NBAS: variants seen among roughly 807,000 people sequenced by gnomAD.
The protein encoded by NBAS is NBAS subunit of NRZ tethering complex, also known as NAG/BC035112 fusion.
A neutral mutation model predicts 302.5 loss-of-function variants in NBAS; 219 were observed. That is an observed-to-expected ratio of 0.72 (90% CI 0.65 to 0.81). NBAS has a LOEUF of 0.81. Ranked by LOEUF, NBAS falls within the 30% of genes least tolerant of loss-of-function variation. The probability of loss-of-function intolerance (pLI) is 0.00; values close to 1 mark genes in which losing one functional copy is unlikely to be tolerated. For missense variants in NBAS, 2,932 were observed against 2,841.6 expected (o/e 1.03, Z -0.72); for synonymous variants, 1,118 against 1,021.6 (o/e 1.09, Z -1.80).
the NBAS span, among the ~76,000 whole-genome samples, chr2:15,110,053 G>C: frequency 1.3e-5 from 2 of 152,090 alleles, no homozygotes; most frequent in Non-Finnish European, 2.9e-5. Flanking sequence ...ATGGAGACAA[G>C]AGACTAGTAA....
intron 21 of NBAS, among the ~76,000 whole-genome samples, chr2:15,440,002 G>C (rs1678272314): frequency 6.6e-6 from 1 of 152,254 alleles, no homozygotes; most frequent in Admixed American, 6.5e-5. Flanking sequence ...AAAGCAGGCG[G>C]GAAGCTCGAA....
the NBAS span, among the ~76,000 whole-genome samples, chr2:15,142,306 T>C: frequency 6.6e-6 from 1 of 152,176 alleles, no homozygotes; most frequent in East Asian, 1.9e-4. Flanking sequence ...AAACAGCACA[T>C]GTGGCTTTGC....
chr2:15,111,497 G>T, the NBAS span, among the ~76,000 whole-genome samples: 2 of 152,116 alleles, frequency 1.3e-5, no homozygotes, highest in African/African-American at 4.8e-5. Flanking sequence ...TCACTCAAAA[G>T]TTCAGGGTAC....
At chr2:15,404,987 A>T (rs1275364821) in intron 25 of NBAS, among the ~76,000 whole-genome samples, 2 of 152,140 alleles carry the variant, frequency 1.3e-5, no homozygotes, top group Admixed American at 1.3e-4. Context: ...ACCCTTCTAC[A>T]TAAAGTTTTA....
chr2:15,306,942 G>A (rs1036748451), intron 40 of NBAS, among the ~76,000 whole-genome samples: 3 of 152,208 alleles, frequency 2.0e-5, no homozygotes, highest in African/African-American at 7.2e-5. Flanking sequence ...AATTCTGTAT[G>A]TAACTGCAAT....
At chr2:14,905,221 C>T in the NBAS span, among the ~76,000 whole-genome samples, 350 of 152,308 alleles carry the variant, frequency 2.3e-3, 4 homozygotes, top group African/African-American at 7.3e-3. Context: ...AATACTTTAC[C>T]AGCCATCTAG....
rs193017051 is a variant in NBAS, at chr2:15,370,473, T to A, written c.3704-3780A>T. On this transcript the variant is annotated intron_variant, in intron 31 of 51. Transcript: ENST00000281513. ...AAGCCTGGCTAATTTTTTAATTTTTTAAAAAATAGAGACGGGTTTTGCCAT... is the reference window on the plus strand; with the variant it reads ...AAGCCTGGCTAATTTTTTAATTTTTAAAAAAATAGAGACGGGTTTTGCCAT... Among the ~76,000 whole-genome samples, 878 of 152,206 alleles carry A rather than the reference T, an allele frequency of 5.8e-3. 6 individuals are homozygous for A. Among genetic ancestry groups the A allele is most frequent in the African/African-American group, 0.02 (842 of 41,522 alleles).
chr2:15,096,030 G>A, the NBAS span, among the ~76,000 whole-genome samples: 5 of 152,312 alleles, frequency 3.3e-5, no homozygotes, highest in East Asian at 3.9e-4. Flanking sequence ...TCATGTCTGG[G>A]CTTGAAGCAC....
the NBAS span, among the ~76,000 whole-genome samples, chr2:14,976,517 C>G: frequency 6.6e-6 from 1 of 152,150 alleles, no homozygotes; most frequent in South Asian, 2.1e-4. Context: ...ATGTTTATAC[C>G]CTGGGAGTAG....
chr2:15,541,212 T>C (rs560729604), intron 6 of NBAS, among the ~76,000 whole-genome samples: 3 of 152,220 alleles, frequency 2.0e-5, no homozygotes, highest in South Asian at 4.1e-4. Flanking sequence ...TGTTTACCTA[T>C]TTGCCCCACA....
At chr2:14,899,712 AGG>A in the NBAS span, among the ~76,000 whole-genome samples, 2 of 150,552 alleles carry the variant, frequency 1.3e-5, no homozygotes, top group African/African-American at 4.9e-5. Flanking sequence ...CCATTCTTTC[AGG>A]GTCCTTTAAA....
At chr2:15,418,698 G>A (rs1179911848) in intron 23 of NBAS, among the ~76,000 whole-genome samples, 1 of 152,162 alleles carries the variant, frequency 6.6e-6, no homozygotes, top group East Asian at 1.9e-4. Flanking sequence ...GTGAGGTGAG[G>A]AAGGAAGATT....
the NBAS span, among the ~76,000 whole-genome samples, chr2:15,098,580 A>ATTGTATATATG: frequency 5.7e-3 from 641 of 111,964 alleles, 32 homozygotes; most frequent in African/African-American, 0.014. Context: ...TATATAATGT[A>ATTGTATATATG]TTATATATTA....
the NBAS span, among the ~76,000 whole-genome samples, chr2:15,148,551 C>T: frequency 6.6e-6 from 1 of 152,104 alleles, no homozygotes; most frequent in African/African-American, 2.4e-5. Context: ...GGAATATGCT[C>T]AGGTGAAGGT....
chr2:15,480,538 G>T (rs1472620290), intron 12 of NBAS, among the ~76,000 whole-genome samples: 1 of 152,110 alleles, frequency 6.6e-6, no homozygotes, highest in East Asian at 1.9e-4. Context: ...AGGATTTTGG[G>T]CATGGGTTTA....
chr2:15,203,637 A>G (rs1042971499), intron 48 of NBAS, among the ~76,000 whole-genome samples: 1 of 152,192 alleles, frequency 6.6e-6, no homozygotes, highest in East Asian at 1.9e-4. Flanking sequence ...ATTCAGCACA[A>G]TTATAGACCA....
intron 35 of NBAS, among the ~76,000 whole-genome samples, chr2:15,332,826 AC>A (rs1672415162): frequency 2.0e-5 from 3 of 152,118 alleles, no homozygotes; most frequent in Non-Finnish European, 2.9e-5. Flanking sequence ...CTCCACTCAG[AC>A]CCCCTTACAG....
chr2:15,151,454 T>C, the NBAS span, among the ~76,000 whole-genome samples: 1 of 152,222 alleles, frequency 6.6e-6, no homozygotes, highest in Non-Finnish European at 1.5e-5. Context: ...CCCAAACAGC[T>C]ACAATAGCTA....
the NBAS span, among the ~76,000 whole-genome samples, chr2:14,912,706 A>AAAAAAAAAAC: frequency 2.8e-5 from 1 of 35,914 alleles, no homozygotes; most frequent in Admixed American, 1.8e-4. Context: ...TCATTTTTAA[A>AAAAAAAAAAC]AAAAAAAAAA....
Sources: gnomAD v4.1 joint callset for allele counts (sites outside exome capture counted in the v4.1 genomes callset) on GRCh38, gnomAD v4.1.1 for gene constraint, MANE v1.5 for transcripts, NCBI Gene and HGNC (gene_info 2026-07-23, HGNC 2026-07-21) for gene names.